The following ZNF410 variants were observed in gnomAD, a reference collection of about 807,000 sequenced individuals.
ZNF410 encodes another partner for ARF 1.
Under a neutral mutation model 54.8 loss-of-function variants are expected in ZNF410, and 18 were observed. The observed-to-expected ratio is 0.33, with a 90% confidence interval of 0.23 to 0.49. The LOEUF (loss-of-function observed/expected upper bound fraction) is 0.49. Ranked by LOEUF, ZNF410 falls within the 20% of genes least tolerant of loss-of-function variation. The pLI is 0.99. For synonymous variants in ZNF410, 191 were observed against 207.3 expected (o/e 0.92, Z 0.68); for missense variants, 405 against 569.6 (o/e 0.71, Z 2.94).
At chr14:73,926,388 T>TTC (rs397934642) in intron 11 of ZNF410, among the ~76,000 whole-genome samples, 11 of 152,038 alleles carry the variant, frequency 7.2e-5, no homozygotes, top group East Asian at 3.9e-4. Flanking sequence ...TCCTTTTTTT[T>TTC]CAGTATGGTT....
At chr14:73,890,555 TTAAAG>T (rs2055213399) in intron 1 of ZNF410, among the ~76,000 whole-genome samples, 2 of 152,238 alleles carry the variant, frequency 1.3e-5, no homozygotes, top group South Asian at 2.1e-4. Flanking sequence ...ATTGGAAACT[TTAAAG>T]TACCCATTGA....
chr14:73,893,601 A>G (rs2055264766), intron 2 of ZNF410, 196 bp from the exon 3 acceptor site: 1 of 535,062 alleles, frequency 1.9e-6, no homozygotes, highest in African/African-American at 1.9e-5. Context: ...GTTTTGCAGC[A>G]CATGACTTTA....
intron 1 of ZNF410, chr14:73,888,156 T>G (rs1242977054): frequency 6.6e-6 from 1 of 152,108 alleles, no homozygotes; most frequent in African/African-American, 2.4e-5. Flanking sequence ...GAGAGAGATT[T>G]AAAGACCTAG....
chr14:73,923,566 G>C (rs200009392), intron 11 of ZNF410, 44 bp downstream of exon 11: 114 of 1,579,400 alleles, frequency 7.2e-5, no homozygotes, highest in Non-Finnish European at 9.6e-5. Context: ...AATTCATGTG[G>C]GGAATGATTG....
intron 1 of ZNF410, among the ~76,000 whole-genome samples, chr14:73,889,355 T>G (rs999274541): frequency 2.0e-5 from 3 of 151,514 alleles, no homozygotes; most frequent in Non-Finnish European, 2.9e-5. Flanking sequence ...AAAATTTTTT[T>G]TTGTAGAAAT....
At chr14:73,930,770 T>TA (rs2055899990) in intron 11 of ZNF410, among the ~76,000 whole-genome samples, 1 of 152,042 alleles carries the variant, frequency 6.6e-6, no homozygotes, top group African/African-American at 2.4e-5. Flanking sequence ...GCTTAATTTT[T>TA]AAAATTTTCT....
At chr14:73,900,040 A>T (rs1002227960) in intron 5 of ZNF410, among the ~76,000 whole-genome samples, 38 of 152,206 alleles carry the variant, frequency 2.5e-4, no homozygotes, top group African/African-American at 8.9e-4. Context: ...TACTAAAAAT[A>T]CAAAATTAGC....
intron 6 of ZNF410, among the ~76,000 whole-genome samples, chr14:73,904,506 C>A (rs2055452776): frequency 6.6e-6 from 1 of 152,158 alleles, no homozygotes; most frequent in Admixed American, 6.6e-5. Context: ...CTTTGTCACC[C>A]AGGGTGGAGT....
At chr14:73,911,974 G>A (rs1009284157) in intron 8 of ZNF410, among the ~76,000 whole-genome samples, 5 of 151,894 alleles carry the variant, frequency 3.3e-5, no homozygotes, top group South Asian at 2.1e-4. Flanking sequence ...GTTTCTCTAC[G>A]TTTCCTATAA....
chr14:73,920,894 C>CA, intron 8 of ZNF410, 86 bp from the exon 9 acceptor site: 1 of 1,551,288 alleles, frequency 6.4e-7, no homozygotes, highest in South Asian at 1.2e-5. Flanking sequence ...TTCAGTTTAA[C>CA]ATTCTCTGGG....
chr14:73,887,543 C>T (rs998487302), intron 1 of ZNF410: 3 of 152,112 alleles, frequency 2.0e-5, no homozygotes, highest in African/African-American at 7.2e-5. Flanking sequence ...AAGTTTATCC[C>T]ACTTGATCAT....
At chr14:73,930,390 T>C (rs182916244) in intron 11 of ZNF410, among the ~76,000 whole-genome samples, 1 of 152,340 alleles carries the variant, frequency 6.6e-6, no homozygotes, top group East Asian at 1.9e-4. Context: ...CTCAAATTTC[T>C]GGCCTCAAGC....
chr14:73,912,217 G>A (rs937502938), intron 8 of ZNF410, among the ~76,000 whole-genome samples: 7 of 148,240 alleles, frequency 4.7e-5, no homozygotes, highest in Non-Finnish European at 1.0e-4. Context: ...TTGTCCAGGC[G>A]AGAGTGCAGT....
chr14:73,926,535 G>A (rs531261295), intron 11 of ZNF410, among the ~76,000 whole-genome samples: 1 of 152,228 alleles, frequency 6.6e-6, no homozygotes, highest in East Asian at 1.9e-4. Flanking sequence ...CCAGGTTCAA[G>A]CAATTCTCCT....
At chr14:73,887,831 A>G (rs1328807552) in intron 1 of ZNF410, among the ~76,000 whole-genome samples, 1 of 152,184 alleles carries the variant, frequency 6.6e-6, no homozygotes, top group Non-Finnish European at 1.5e-5. Context: ...AATTTTTGGC[A>G]AGTTGCTGAA....
chr14:73,903,901 G>C (rs903551026), intron 5 of ZNF410, 59 bp from the exon 6 acceptor site: 1 of 1,594,810 alleles, frequency 6.3e-7, no homozygotes, highest in African/African-American at 1.4e-5. Flanking sequence ...TTTATTGTTT[G>C]AGCCTAAGTA....
intron 10 of ZNF410, 131 bp from the exon 11 acceptor site, chr14:73,923,264 C>T (rs775923337): frequency 4.1e-5 from 44 of 1,076,118 alleles, no homozygotes; most frequent in Non-Finnish European, 5.5e-5. Flanking sequence ...ACAGGATTAA[C>T]TTGGAAGAAA....
intron 8 of ZNF410, chr14:73,920,778 G>T: frequency 3.5e-6 from 2 of 568,480 alleles, no homozygotes; most frequent in Non-Finnish European, 3.1e-6. Flanking sequence ...GCTGGGAGCA[G>T]GGAGTGTGCT....
intron 5 of ZNF410, among the ~76,000 whole-genome samples, chr14:73,900,209 AT>A (rs1170549212): frequency 6.6e-6 from 1 of 151,422 alleles, no homozygotes; most frequent in Non-Finnish European, 1.5e-5. Flanking sequence ...AAAAAAAAAA[AT>A]CACCCCAAAT....
Sources: gnomAD v4.1 joint callset for allele counts (sites outside exome capture counted in the v4.1 genomes callset) on GRCh38, gnomAD v4.1.1 for gene constraint, MANE v1.5 for transcripts, NCBI Gene and HGNC (gene_info 2026-07-23, HGNC 2026-07-21) for gene names.